Variants in SASH1 observed in about 807,000 individuals in gnomAD.
SASH1 encodes SAM and SH3 domain containing 1.
Under a neutral mutation model 125.2 loss-of-function variants are expected in SASH1, and 44 were observed. That is an observed-to-expected ratio of 0.35 (90% CI 0.28 to 0.45). The LOEUF (loss-of-function observed/expected upper bound fraction) is 0.45, where lower values mean the gene tolerates loss of function less well. Ranked by LOEUF, SASH1 falls within the 20% of genes least tolerant of loss-of-function variation. The pLI is 1.00. For synonymous variants in SASH1, 639 were observed against 649.1 expected (o/e 0.98, Z 0.24); for missense variants, 1,426 against 1,614.5 (o/e 0.88, Z 2.00).
At chr6:148,220,258 CTG>C in the SASH1 span, among the ~76,000 whole-genome samples, 1 of 152,180 alleles carries the variant, frequency 6.6e-6, no homozygotes, top group African/African-American at 2.4e-5. Context: ...ACCTTCAACT[CTG>C]TATCCTCATA....
At chr6:148,274,178 G>C (rs1042702056) in intron 1 of SASH1, among the ~76,000 whole-genome samples, 1 of 152,178 alleles carries the variant, frequency 6.6e-6, no homozygotes, top group Non-Finnish European at 1.5e-5. Context: ...AGGGTGCTCA[G>C]GAGTCCAAGG....
intron 12 of SASH1, among the ~76,000 whole-genome samples, chr6:148,531,324 G>A (rs1220629580): frequency 6.6e-6 from 1 of 152,112 alleles, no homozygotes; most frequent in African/African-American, 2.4e-5. Context: ...TAGTATTTGA[G>A]TGCTTAATAA....
intron 4 of SASH1, among the ~76,000 whole-genome samples, chr6:148,453,606 A>G (rs979145212): frequency 1.3e-5 from 2 of 152,136 alleles, no homozygotes; most frequent in African/African-American, 4.8e-5. Context: ...AGGTACAATC[A>G]AAGACTGGGG....
intron 1 of SASH1, among the ~76,000 whole-genome samples, chr6:148,315,747 A>G (rs1172719187): frequency 6.6e-6 from 1 of 152,114 alleles, no homozygotes; most frequent in Admixed American, 6.6e-5. Flanking sequence ...CTACAGAAAA[A>G]TTAAAAATTA....
At chr6:148,394,217 C>A (rs1447881039) in intron 2 of SASH1, among the ~76,000 whole-genome samples, 1 of 151,948 alleles carries the variant, frequency 6.6e-6, no homozygotes, top group Non-Finnish European at 1.5e-5. Flanking sequence ...CTATGAAATT[C>A]CAGACAAGTT....
intron 2 of SASH1, among the ~76,000 whole-genome samples, chr6:148,428,534 G>A (rs563273815): frequency 1.0e-4 from 15 of 145,448 alleles, no homozygotes; most frequent in Admixed American, 3.6e-4. Flanking sequence ...GAGGCTGAGG[G>A]AGGAGAATTG....
chr6:148,222,514 G>A, the SASH1 span, among the ~76,000 whole-genome samples: 1 of 151,988 alleles, frequency 6.6e-6, no homozygotes, highest in East Asian at 1.9e-4. Flanking sequence ...TAGAGCTGCT[G>A]AGATTTTGCA....
intron 8 of SASH1, among the ~76,000 whole-genome samples, chr6:148,494,619 C>T (rs2115242258): frequency 6.6e-6 from 1 of 152,192 alleles, no homozygotes; most frequent in Middle Eastern, 3.4e-3. Flanking sequence ...GAACAAGACT[C>T]CGTCTCAAAA....
At chr6:148,335,026 G>A (rs974558566) in intron 1 of SASH1, among the ~76,000 whole-genome samples, 1 of 149,922 alleles carries the variant, frequency 6.7e-6, no homozygotes, top group Admixed American at 6.7e-5. Flanking sequence ...GGCCGGGCGT[G>A]GTGGCTCACA....
intron 8 of SASH1, among the ~76,000 whole-genome samples, chr6:148,499,665 G>A (rs1779482505): frequency 1.3e-5 from 2 of 152,180 alleles, no homozygotes; most frequent in South Asian, 4.1e-4. Context: ...CTGAGGAAGA[G>A]CTTTCCAGGA....
intron 2 of SASH1, among the ~76,000 whole-genome samples, chr6:148,403,810 G>C (rs1243656491): frequency 2.0e-5 from 3 of 152,212 alleles, no homozygotes; most frequent in Non-Finnish European, 2.9e-5. Context: ...GGGATTACAG[G>C]CGTGAGCCAC....
At chr6:148,434,277 G>A (rs1172611768) in intron 2 of SASH1, among the ~76,000 whole-genome samples, 2 of 151,792 alleles carry the variant, frequency 1.3e-5, no homozygotes, top group African/African-American at 2.4e-5. Flanking sequence ...GGGTTTCACC[G>A]TGTTAGCCAG....
At chr6:148,315,792 T>A (rs1264388116) in intron 1 of SASH1, among the ~76,000 whole-genome samples, 1 of 152,148 alleles carries the variant, frequency 6.6e-6, no homozygotes, top group Non-Finnish European at 1.5e-5. Flanking sequence ...TAGTCCCAGC[T>A]GTTCAGGAGG....
In SASH1 at chr6:148,533,109, T is replaced by C; in HGVS notation, c.1734+143T>C. 2.2e-6 allele frequency: 2 copies of C among 917,502 alleles called. No individual in the cohort carries two copies. The highest frequency in any genetic ancestry group is 4.9e-5 in the East Asian group (2 of 40,576). The allele number at this position is 917,502 out of a possible 1,614,324, so 56.8% of individuals were successfully genotyped here. On this transcript the variant is annotated intron_variant, in intron 14 of 19. Coordinates refer to ENST00000367467, the MANE Select transcript of SASH1 (RefSeq NM_015278.5). This position sits in a 1 kb window ranked among gnomAD's most constrained non-coding sequence, Gnocchi z 6.2. ...GGCTACCTCGATCACTGGTCTCCTCTGTAGTGAAAAACAGAACAAGAACCA... is the reference window on the plus strand; with the variant it reads ...GGCTACCTCGATCACTGGTCTCCTCCGTAGTGAAAAACAGAACAAGAACCA...
chr6:148,343,151 A>G lies in SASH1; in HGVS notation c.84A>G (p.Glu28=), dbSNP rs2114633246. 1.9e-6 allele frequency: 3 copies of G among 1,598,948 alleles called. No homozygotes were observed. The highest frequency in any genetic ancestry group is 2.5e-6 in the Non-Finnish European group (3 of 1,178,694). The change falls in exon 1 of 20, where the codon GAA becomes GAG. Residue 28 remains glutamate (E), a synonymous_variant. Transcript: ENST00000367467. ...AGCCCGAGCCCGCGCCGGAGCCGGA[A>G]CCGGAGCCCAAGCCGGGTGCTGGCA... ...EPEPEPAPEP[E]PEPKPGAGTS...
rs1175288094 is a variant in SASH1 at position 148,550,255 on chromosome 6, CATCTAAAATATAAAGGTCA to C, written c.*1701_*1719del. ...CACTATTTTAAGCATCAAATGCAAT[CATCTAAAATATAAAGGTCA>C]ATCATTTATAATAGAAACACCTTGA... On this transcript the variant is annotated 3_prime_UTR_variant, in exon 20 of 20. Coordinates refer to ENST00000367467, the MANE Select transcript of SASH1 (RefSeq NM_015278.5). 2 of 152,210 alleles carry C rather than the reference CATCTAAAATATAAAGGTCA, an allele frequency of 1.3e-5. No individual in the cohort carries two copies. Among genetic ancestry groups the C allele is most frequent in the Non-Finnish European group, 2.9e-5 (2 of 68,042 alleles). 9.4% of individuals were successfully genotyped at this position (152,210 alleles called of 1,614,324 possible).
intron 1 of SASH1, among the ~76,000 whole-genome samples, chr6:148,321,655 C>T (rs1373235411): frequency 6.6e-6 from 1 of 152,144 alleles, no homozygotes; most frequent in African/African-American, 2.4e-5. Flanking sequence ...CTAAGCTCAT[C>T]AAAATCAGGA....
At chr6:148,226,828 G>A in the SASH1 span, among the ~76,000 whole-genome samples, 1 of 152,018 alleles carries the variant, frequency 6.6e-6, no homozygotes, top group African/African-American at 2.4e-5. Flanking sequence ...CGGAAGCTGG[G>A]GTCCTACCTC....
chr6:148,233,415 T>C, the SASH1 span, among the ~76,000 whole-genome samples: 3 of 152,046 alleles, frequency 2.0e-5, no homozygotes, highest in Non-Finnish European at 4.4e-5. Context: ...TCCACCTTTT[T>C]TCCTTTCTTC....
Sources: gnomAD v4.1 joint callset for allele counts (sites outside exome capture counted in the v4.1 genomes callset) on GRCh38, gnomAD v4.1.1 for gene constraint, Gnocchi (gnomAD v3.1) non-coding constraint, MANE v1.5 for transcripts, NCBI Gene and HGNC (gene_info 2026-07-23, HGNC 2026-07-21) for gene names.